AGBL4: variants seen among roughly 807,000 people sequenced by gnomAD.
AGBL4 encodes cytosolic carboxypeptidase 6.
In AGBL4, 58 loss-of-function variants were observed where a neutral mutation model predicts 66.4. The ratio of observed to expected loss-of-function variants is 0.87; its 90% CI spans 0.71 to 1.09. The LOEUF is 1.09. Ranked by LOEUF, AGBL4 falls within the 50% of genes least tolerant of loss-of-function variation. The pLI is 0.00. For synonymous variants in AGBL4, 234 were observed against 222.9 expected, an observed-to-expected ratio of 1.05 and a Z score of -0.44; for missense variants, 579 against 631.0, an observed-to-expected ratio of 0.92 and a Z score of 0.88.
At chr1:49,494,163 C>G (rs558028438) in intron 3 of AGBL4, among the ~76,000 whole-genome samples, 13 of 151,956 alleles carry the variant, frequency 8.6e-5, no homozygotes, top group Middle Eastern at 3.4e-3. Context: ...TCACTGAAGC[C>G]CACATTAAAC....
chr1:48,789,572 A>C (rs533334340), intron 6 of AGBL4, among the ~76,000 whole-genome samples: 1 of 152,286 alleles, frequency 6.6e-6, no homozygotes, highest in Non-Finnish European at 1.5e-5. Flanking sequence ...TACAGGCATG[A>C]GCCACACTGT....
Position 49,121,347 on chromosome 1 carries a change from A to G in AGBL4, c.378-75547T>C, listed in dbSNP as rs568992673. 7.2e-5 allele frequency among the ~76,000 whole-genome samples: 11 copies of G among 152,242 alleles called. No homozygotes were observed. The South Asian group carries it at 2.3e-3, about 32-fold the overall frequency. On this transcript the variant is annotated intron_variant, in intron 4 of 13. Coordinates refer to ENST00000371839, the MANE Select transcript of AGBL4 (RefSeq NM_032785.4). Reference sequence around the variant, plus strand: ...GGTTTCTCCCCATATTTGTGGTTTTATCTACCTTTGATCTTTGATGTTGGT... The same window carrying G: ...GGTTTCTCCCCATATTTGTGGTTTTGTCTACCTTTGATCTTTGATGTTGGT...
At chr1:49,862,580 C>T (rs1206961044) in intron 1 of AGBL4, among the ~76,000 whole-genome samples, 1 of 151,992 alleles carries the variant, frequency 6.6e-6, no homozygotes, top group Non-Finnish European at 1.5e-5. Flanking sequence ...AGAAGGGTTA[C>T]CTCGAGGCAT....
chr1:49,840,654 C>G (rs1352893542), intron 2 of AGBL4, among the ~76,000 whole-genome samples: 4 of 152,122 alleles, frequency 2.6e-5, no homozygotes, highest in African/African-American at 9.7e-5. Context: ...AACAGCCCAT[C>G]AAAAAGCTAA....
chr1:48,755,448 A>G (rs1652396595), intron 6 of AGBL4, among the ~76,000 whole-genome samples: 1 of 152,224 alleles, frequency 6.6e-6, no homozygotes, highest in Non-Finnish European at 1.5e-5. Flanking sequence ...CTAGGCCCCT[A>G]GCTGAGGTGG....
At chr1:48,924,745 A>G (rs1366672859) in intron 5 of AGBL4, among the ~76,000 whole-genome samples, 1 of 152,122 alleles carries the variant, frequency 6.6e-6, no homozygotes, top group Non-Finnish European at 1.5e-5. Context: ...GGACTCGTGT[A>G]TGAGGTCATG....
intron 4 of AGBL4, among the ~76,000 whole-genome samples, chr1:49,238,645 C>A (rs1224783545): frequency 2.0e-5 from 3 of 152,170 alleles, no homozygotes; most frequent in Non-Finnish European, 4.4e-5. Context: ...TTCCTACTAG[C>A]CCTTTGTTGG....
rs551132225 is a variant in AGBL4, at chr1:49,947,141, T to C, written c.34+76622A>G. On this transcript the variant is annotated intron_variant, in intron 1 of 13. Coordinates refer to ENST00000371839, the MANE Select transcript of AGBL4 (RefSeq NM_032785.4). ...CAAAGAAGAACTGGTACCAATCCTA[T>C]TGACACTATTCCACAAGACAGAGAA... Among the ~76,000 whole-genome samples the C allele has an allele frequency of 7.2e-5, 11 of 151,980 alleles. No individual in the cohort carries two copies. In the South Asian group the frequency reaches 2.3e-3, roughly 31 times the overall value.
intron 2 of AGBL4, among the ~76,000 whole-genome samples, chr1:49,740,876 G>C (rs547363199): frequency 1.3e-5 from 2 of 152,270 alleles, no homozygotes; most frequent in Non-Finnish European, 2.9e-5. Context: ...CAACATACCA[G>C]AATCTCTGGG....
At chr1:48,614,020 G>T (rs1013541252) in intron 9 of AGBL4, among the ~76,000 whole-genome samples, 1 of 152,106 alleles carries the variant, frequency 6.6e-6, no homozygotes, top group African/African-American at 2.4e-5. Flanking sequence ...AGAAAGAGTT[G>T]GAAAGCATAA....
chr1:49,055,866 C>CA (rs1301364483), intron 4 of AGBL4, among the ~76,000 whole-genome samples: 1 of 151,876 alleles, frequency 6.6e-6, no homozygotes, highest in East Asian at 1.9e-4. Context: ...AATTTTGTTT[C>CA]AAAAAACAGT....
intron 1 of AGBL4, among the ~76,000 whole-genome samples, chr1:49,922,213 A>C (rs925839773): frequency 6.6e-6 from 1 of 152,230 alleles, no homozygotes; most frequent in Admixed American, 6.5e-5. Context: ...ATCACTGTGT[A>C]TAAGCTTTTT....
At chr1:48,708,662 G>C (rs2148514903) in intron 6 of AGBL4, among the ~76,000 whole-genome samples, 1 of 152,372 alleles carries the variant, frequency 6.6e-6, no homozygotes, top group Non-Finnish European at 1.5e-5. Context: ...GGGCTACCAA[G>C]TGTGGGACAG....
In AGBL4 at chr1:48,809,525, C is replaced by T. The variant is rs922989559; in HGVS notation, c.634+57666G>A. 2.0e-5 allele frequency among the ~76,000 whole-genome samples: 3 copies of T among 152,126 alleles called. No individual in the cohort carries two copies. In the South Asian group the frequency reaches 6.2e-4, roughly 32 times the overall value. ...AGACATCATGTAGAAGTGGATAGCA[C>T]CCTTTCTGAGCTTACATACAATGCC... is the stretch of plus-strand genomic sequence containing the variant. On this transcript the variant is annotated intron_variant, in intron 6 of 13. Coordinates refer to ENST00000371839, the MANE Select transcript of AGBL4 (RefSeq NM_032785.4).
At chr1:48,712,337 A>G (rs1286261957) in intron 6 of AGBL4, among the ~76,000 whole-genome samples, 1 of 152,068 alleles carries the variant, frequency 6.6e-6, no homozygotes, top group East Asian at 1.9e-4. Context: ...GCTCTTCAGG[A>G]CCTGGCCCTT....
At chr1:48,791,243 G>T (rs991411822) in intron 6 of AGBL4, among the ~76,000 whole-genome samples, 1 of 152,032 alleles carries the variant, frequency 6.6e-6, no homozygotes, top group African/African-American at 2.4e-5. Flanking sequence ...ATTCATCCTC[G>T]GGCATTAGCT....
intron 4 of AGBL4, among the ~76,000 whole-genome samples, chr1:49,087,802 C>A (rs1644934801): frequency 6.6e-6 from 1 of 152,064 alleles, no homozygotes; most frequent in African/African-American, 2.4e-5. Flanking sequence ...TCTACAAGGT[C>A]ACAATGAAAG....
At chr1:49,583,198 A>G (rs1010251447) in intron 3 of AGBL4, among the ~76,000 whole-genome samples, 1 of 152,160 alleles carries the variant, frequency 6.6e-6, no homozygotes, top group East Asian at 1.9e-4. Context: ...GCTTCAGAAT[A>G]AAGGCTGCTT....
chr1:48,576,458 G>T (rs1420508677), intron 11 of AGBL4, among the ~76,000 whole-genome samples: 1 of 152,100 alleles, frequency 6.6e-6, no homozygotes, highest in African/African-American at 2.4e-5. Context: ...ATGTCTTCTT[G>T]CCAAAGAAAA....
Sources: allele counts gnomAD v4.1 joint callset (sites outside exome capture counted in the v4.1 genomes callset), GRCh38; gene constraint gnomAD v4.1.1; transcripts MANE v1.5; gene names NCBI Gene and HGNC (gene_info 2026-07-23, HGNC 2026-07-21).